The following CHSY3 variants were observed in gnomAD, a reference collection of about 807,000 sequenced individuals.
CHSY3 encodes the protein chondroitin sulfate synthase 3.
In CHSY3, 35 loss-of-function variants were observed where a neutral mutation model predicts 67.2. The observed-to-expected ratio is 0.52, with a 90% CI of 0.40 to 0.69. The LOEUF (loss-of-function observed/expected upper bound fraction) is 0.69, where lower values mean the gene tolerates loss of function less well. Ranked by LOEUF, CHSY3 falls within the 30% of genes least tolerant of loss-of-function variation. The pLI is 0.00. For missense variants in CHSY3, 1,069 were observed against 1,138.5 expected, an observed-to-expected ratio of 0.94 and a Z score of 0.88; for synonymous variants, 474 against 434.7, an observed-to-expected ratio of 1.09 and a Z score of -1.12.
intron 2 of CHSY3, among the ~76,000 whole-genome samples, chr5:130,045,716 T>C (rs1168220408): frequency 6.6e-6 from 1 of 152,098 alleles, no homozygotes; most frequent in Non-Finnish European, 1.5e-5. Flanking sequence ...TTGTGGATTC[T>C]TCTTCTAATT....
intron 2 of CHSY3, among the ~76,000 whole-genome samples, chr5:130,085,572 A>G (rs1766589770): frequency 6.6e-6 from 1 of 152,048 alleles, no homozygotes; most frequent in Non-Finnish European, 1.5e-5. Context: ...TCCTGGATTC[A>G]TTAATTTTTT....
At chr5:130,058,884 T>G (rs140700002) in intron 2 of CHSY3, among the ~76,000 whole-genome samples, 4 of 152,340 alleles carry the variant, frequency 2.6e-5, no homozygotes, top group African/African-American at 9.6e-5. Flanking sequence ...GTTGCCAGAT[T>G]CCTTGACTTG....
chr5:130,143,788 A>ATATATATATATGTGTGTG (rs1561557242), intron 2 of CHSY3, among the ~76,000 whole-genome samples: 2 of 47,376 alleles, frequency 4.2e-5, no homozygotes, highest in African/African-American at 2.0e-4. Flanking sequence ...ATATGTGTAT[A>ATATATATATATGTGTGTG]TATATATATA....
chr5:130,171,473 G>A (rs1446595069), intron 2 of CHSY3, among the ~76,000 whole-genome samples: 3 of 152,044 alleles, frequency 2.0e-5, no homozygotes, highest in Non-Finnish European at 2.9e-5. Context: ...AATCTCTTTG[G>A]TATTTGTCCA....
At chr5:130,105,196 T>C (rs1248453923) in intron 2 of CHSY3, among the ~76,000 whole-genome samples, 1 of 151,680 alleles carries the variant, frequency 6.6e-6, no homozygotes, top group Non-Finnish European at 1.5e-5. Flanking sequence ...TCTCCCTTTC[T>C]TTTTTCTTGC....
intron 2 of CHSY3, among the ~76,000 whole-genome samples, chr5:130,021,832 T>C (rs947581182): frequency 5.3e-5 from 8 of 152,126 alleles, no homozygotes; most frequent in African/African-American, 1.7e-4. Flanking sequence ...TATGAAGACT[T>C]TCACTTTGCT....
At chr5:129,944,317 T>C (rs974243046) in intron 2 of CHSY3, among the ~76,000 whole-genome samples, 15 of 152,294 alleles carry the variant, frequency 9.8e-5, no homozygotes, top group Admixed American at 6.5e-4. Context: ...TTCATTTGCC[T>C]AAACAGGATT....
At chr5:130,065,266 T>A (rs905213197) in intron 2 of CHSY3, among the ~76,000 whole-genome samples, 1 of 152,184 alleles carries the variant, frequency 6.6e-6, no homozygotes, top group Admixed American at 6.6e-5. Context: ...ATAGCAACTT[T>A]GACATTTAGA....
chr5:130,143,734 G>GTGTATA (rs1223966105), intron 2 of CHSY3, among the ~76,000 whole-genome samples: 13 of 94,656 alleles, frequency 1.4e-4, no homozygotes, highest in African/African-American at 4.8e-4. Flanking sequence ...GTGTGTGTGT[G>GTGTATA]TATATATATA....
intron 2 of CHSY3, among the ~76,000 whole-genome samples, chr5:130,135,589 T>C (rs891356573): frequency 3.3e-5 from 5 of 152,186 alleles, no homozygotes; most frequent in African/African-American, 1.2e-4. Context: ...CAATTTCCTT[T>C]GTTCTTTGTT....
At chr5:130,039,178 G>C (rs1466907474) in intron 2 of CHSY3, among the ~76,000 whole-genome samples, 1 of 152,056 alleles carries the variant, frequency 6.6e-6, no homozygotes, top group African/African-American at 2.4e-5. Context: ...GAGTCATTTA[G>C]AGTATCTACT....
At chr5:130,149,712 T>C (rs970402392) in intron 2 of CHSY3, among the ~76,000 whole-genome samples, 2 of 152,136 alleles carry the variant, frequency 1.3e-5, no homozygotes, top group Non-Finnish European at 2.9e-5. Flanking sequence ...AGAGTGAGAG[T>C]TGCATTAATG....
chr5:130,094,295 A>G (rs1392098288), intron 2 of CHSY3, among the ~76,000 whole-genome samples: 1 of 152,170 alleles, frequency 6.6e-6, no homozygotes, highest in Non-Finnish European at 1.5e-5. Flanking sequence ...AAAAAAATCT[A>G]CGGTGTAATT....
chr5:130,021,559 T>C (rs1420343174), intron 2 of CHSY3, among the ~76,000 whole-genome samples: 1 of 152,068 alleles, frequency 6.6e-6, no homozygotes, highest in Non-Finnish European at 1.5e-5. Flanking sequence ...ACAACCTGTT[T>C]TTCTTTTTTT....
chr5:130,110,538 GT>G (rs1193887960), intron 2 of CHSY3, among the ~76,000 whole-genome samples: 2 of 151,898 alleles, frequency 1.3e-5, no homozygotes, highest in Non-Finnish European at 2.9e-5. Context: ...TGCCCAGAGG[GT>G]TTTGTGCTGA....
At chr5:130,068,530 C>A (rs1310248955) in intron 2 of CHSY3, among the ~76,000 whole-genome samples, 1 of 152,090 alleles carries the variant, frequency 6.6e-6, no homozygotes, top group African/African-American at 2.4e-5. Context: ...AGTACAGAAA[C>A]CTTTGTGGGG....
chr5:130,050,651 A>C (rs576015301), intron 2 of CHSY3, among the ~76,000 whole-genome samples: 1 of 152,244 alleles, frequency 6.6e-6, no homozygotes, highest in Non-Finnish European at 1.5e-5. Context: ...TGGGCACTGC[A>C]ATCACATAGA....
intron 2 of CHSY3, among the ~76,000 whole-genome samples, chr5:129,935,994 G>GA (rs969675573): frequency 2.0e-5 from 3 of 151,804 alleles, no homozygotes; most frequent in Admixed American, 6.6e-5. Context: ...AACTCGGGCT[G>GA]AAAAAAAATC....
chr5:129,964,684 G>A (rs1041149901), intron 2 of CHSY3, among the ~76,000 whole-genome samples: 4 of 151,870 alleles, frequency 2.6e-5, no homozygotes, highest in African/African-American at 9.7e-5. Flanking sequence ...CAAATAGTAT[G>A]TAGAGAATCT....
Sources: gnomAD v4.1 joint callset for allele counts (sites outside exome capture counted in the v4.1 genomes callset) on GRCh38, gnomAD v4.1.1 for gene constraint, MANE v1.5 for transcripts, NCBI Gene and HGNC (gene_info 2026-07-23, HGNC 2026-07-21) for gene names.